PARD3: variants seen among roughly 807,000 people sequenced by gnomAD.
The protein encoded by PARD3 is par-3 family cell polarity regulator.
PARD3 carries 75 observed loss-of-function variants against 155.4 expected under a neutral mutation model. That is an observed-to-expected ratio of 0.48 (90% CI 0.40 to 0.58). PARD3 has a LOEUF of 0.58. Ranked by LOEUF, PARD3 falls within the 20% of genes least tolerant of loss-of-function variation. The pLI is 0.00. For synonymous variants in PARD3, 576 were observed against 610.5 expected, an observed-to-expected ratio of 0.94 and a Z score of 0.83; for missense variants, 1,642 against 1,721.7, an observed-to-expected ratio of 0.95 and a Z score of 0.82.
At chr10:34,493,110 T>A (rs1419829373) in intron 3 of PARD3, among the ~76,000 whole-genome samples, 1 of 152,222 alleles carries the variant, frequency 6.6e-6, no homozygotes, top group African/African-American at 2.4e-5. Context: ...GTCAATCAGT[T>A]GCACTACTGG....
chr10:34,401,843 T>C lies in PARD3; in HGVS notation c.789A>G (p.Ile263Met), dbSNP rs1843915261. 1 of 1,612,692 alleles carries C rather than the reference T, an allele frequency of 6.2e-7. No individual in the cohort carries two copies. The highest frequency in any genetic ancestry group is 8.5e-7 in the Non-Finnish European group (1 of 1,178,768). Residue 263 changes from isoleucine (I) to methionine (M), a missense_variant, in exon 6 of 25, where the codon ATA (isoleucine) becomes ATG (methionine). Physicochemically the swap from Ile to Met is conservative, Grantham distance 10. Coordinates refer to ENST00000374788, the MANE Select transcript of PARD3 (RefSeq NM_001184785.2). ...VGHADTGLEH[I>M]PNFSLDDMVK... ...TAACTTACTCCAGAGAAAAGTTGGG[T>C]ATATGCTCCAAACCCGTGTCAGCAT...
intron 4 of PARD3, among the ~76,000 whole-genome samples, chr10:34,456,595 G>A (rs1966689): frequency 0.29 from 43,651 of 151,972 alleles, 6,755 homozygotes; most frequent in East Asian, 0.43. Context: ...ACCGTGCCTG[G>A]CCAATTTTCT....
At chr10:34,194,672 AGTGTTAG>A (rs923848689) in intron 22 of PARD3, among the ~76,000 whole-genome samples, 1 of 140,816 alleles carries the variant, frequency 7.1e-6, no homozygotes, top group Non-Finnish European at 1.5e-5. Flanking sequence ...TGTTCAAGGC[AGTGTTAG>A]GTGGATAATG....
intron 1 of PARD3, among the ~76,000 whole-genome samples, chr10:34,702,733 G>T (rs1224834239): frequency 6.6e-6 from 1 of 152,190 alleles, no homozygotes; most frequent in Non-Finnish European, 1.5e-5. Flanking sequence ...AAGAGAAAAG[G>T]CAGGGGGGAA....
At chr10:34,222,590 A>G (rs1247188787) in intron 22 of PARD3, among the ~76,000 whole-genome samples, 9 of 152,228 alleles carry the variant, frequency 5.9e-5, no homozygotes, top group Non-Finnish European at 1.3e-4. Context: ...TCTGGTGGTG[A>G]AGGGAGAGTG....
At chr10:34,654,112 T>C (rs2489657) in intron 2 of PARD3, among the ~76,000 whole-genome samples, 48,515 of 151,596 alleles carry the variant, frequency 0.32, 7,946 homozygotes, top group South Asian at 0.42. Context: ...ATGAATGTAA[T>C]TGCATGGTTC....
rs1564399295 is a variant in PARD3, at chr10:34,111,156, GT to G, written c.*12del. 1.3e-6 allele frequency: 2 copies of G among 1,529,650 alleles called. No homozygotes were observed. The highest frequency in any genetic ancestry group is 1.8e-6 in the Non-Finnish European group (2 of 1,139,074). The allele number at this position is 1,529,650 out of a possible 1,614,324, so 94.8% of individuals were successfully genotyped here. On this transcript the variant is annotated 3_prime_UTR_variant, in exon 25 of 25. Coordinates refer to ENST00000374788, the MANE Select transcript of PARD3 (RefSeq NM_001184785.2). ...TTTTATTGCGCGACATGAAGCATCC[GT>G]TATTTGCGTGCTCAGGAATAGAAGG...
At chr10:34,587,434 A>T (rs765617140) in intron 2 of PARD3, among the ~76,000 whole-genome samples, 1 of 152,172 alleles carries the variant, frequency 6.6e-6, no homozygotes, top group Non-Finnish European at 1.5e-5. Flanking sequence ...TATTATGATG[A>T]TGATGATTGT....
chr10:34,438,989 G>T (rs2076326564), intron 5 of PARD3, among the ~76,000 whole-genome samples: 1 of 152,130 alleles, frequency 6.6e-6, no homozygotes, highest in Non-Finnish European at 1.5e-5. Context: ...TCTGCTGATA[G>T]GAAAGTTCTA....
chr10:34,227,881 T>TATATATATATATATATATATATATACAC (rs1199483392), intron 22 of PARD3, among the ~76,000 whole-genome samples: 1 of 133,718 alleles, frequency 7.5e-6, no homozygotes, highest in African/African-American at 2.9e-5. Flanking sequence ...TATATATATA[T>TATATATATATATATATATATATATACAC]ATACTGGGAA....
rs146510601 is a variant in PARD3 at position 34,681,425 on chromosome 10, G to A, written c.222+14893C>T. On this transcript the variant is annotated intron_variant, in intron 2 of 24. Coordinates refer to ENST00000374788, the MANE Select transcript of PARD3 (RefSeq NM_001184785.2). ...GGGGAGGGAGAGAAAGTTAGAACTA[G>A]CCCATCTGGAGGCTGACCTGAACAC... Among the ~76,000 whole-genome samples, 597 of 152,004 alleles carry A rather than the reference G, an allele frequency of 3.9e-3. 2 individuals carry two copies. Among genetic ancestry groups the A allele is most frequent in the African/African-American group, 0.013 (553 of 41,466 alleles).
At chr10:34,466,609 A>T (rs2078022235) in intron 4 of PARD3, among the ~76,000 whole-genome samples, 1 of 152,194 alleles carries the variant, frequency 6.6e-6, no homozygotes, top group South Asian at 2.1e-4. Context: ...TGAATGCACA[A>T]CTAATTTATT....
At chr10:34,615,771 A>G (rs1223050645) in intron 2 of PARD3, among the ~76,000 whole-genome samples, 2 of 152,202 alleles carry the variant, frequency 1.3e-5, no homozygotes, top group African/African-American at 4.8e-5. Context: ...CAATTTAAAA[A>G]TGAGAAAATG....
chr10:34,814,832 TC>T, intron 1 of PARD3, 43 bp downstream of exon 1: 1 of 1,202,340 alleles, frequency 8.3e-7, no homozygotes, highest in South Asian at 1.4e-5. Flanking sequence ...CCCGGCGCCG[TC>T]CCCGCCGCCG....
At chr10:34,546,506 G>A (rs2084072323) in intron 2 of PARD3, among the ~76,000 whole-genome samples, 1 of 143,710 alleles carries the variant, frequency 7.0e-6, no homozygotes, top group Non-Finnish European at 1.5e-5. Flanking sequence ...AACAGTGCAA[G>A]ACTCTGTCTC....
chr10:34,440,181 C>T (rs1235453332), intron 5 of PARD3, among the ~76,000 whole-genome samples: 1 of 152,070 alleles, frequency 6.6e-6, no homozygotes. Context: ...AAAAGTGATT[C>T]AATTTCTAAA....
chr10:34,471,630 C>T (rs1400107890), intron 3 of PARD3, among the ~76,000 whole-genome samples: 2 of 152,208 alleles, frequency 1.3e-5, no homozygotes, highest in African/African-American at 4.8e-5. Context: ...TCTCGGCTCA[C>T]AGCAAACTCC....
intron 22 of PARD3, among the ~76,000 whole-genome samples, chr10:34,188,559 G>A (rs1419823821): frequency 1.3e-5 from 2 of 151,934 alleles, no homozygotes; most frequent in South Asian, 2.1e-4. Flanking sequence ...TACGTACACC[G>A]ACACATGTGC....
At chr10:34,767,533 T>A (rs1304971096) in intron 1 of PARD3, among the ~76,000 whole-genome samples, 3 of 152,014 alleles carry the variant, frequency 2.0e-5, no homozygotes, top group African/African-American at 7.2e-5. Context: ...AGAGGTTACT[T>A]CCAAAAAGAC....
Sources: allele counts gnomAD v4.1 joint callset (sites outside exome capture counted in the v4.1 genomes callset), GRCh38; gene constraint gnomAD v4.1.1; transcripts MANE v1.5; gene names NCBI Gene and HGNC (gene_info 2026-07-23, HGNC 2026-07-21).